GAD1: variants seen among roughly 807,000 people sequenced by gnomAD.
GAD1 encodes 67 kDa glutamic acid decarboxylase.
GAD1 carries 35 observed loss-of-function variants against 75.2 expected under a neutral mutation model. The ratio of observed to expected loss-of-function variants is 0.47; its 90% CI spans 0.36 to 0.62. The LOEUF is 0.62. Among genes scored for constraint, GAD1 ranks in the 20% least tolerant of loss-of-function variants. GAD1 has a pLI of 0.00. For synonymous variants in GAD1, 257 were observed against 271.9 expected (o/e 0.95, Z 0.54); for missense variants, 490 against 758.5 (o/e 0.65, Z 4.16).
chr2:170,820,140 C>T (rs1319608352), intron 2 of GAD1, among the ~76,000 whole-genome samples: 1 of 152,174 alleles, frequency 6.6e-6, no homozygotes, highest in East Asian at 1.9e-4. Flanking sequence ...CTGACGCTTT[C>T]CACATTTCCC....
intron 2 of GAD1, among the ~76,000 whole-genome samples, chr2:170,819,796 C>T (rs984213264): frequency 1.3e-5 from 2 of 152,136 alleles, no homozygotes; most frequent in Non-Finnish European, 1.5e-5. Context: ...CTTATTGATG[C>T]GCTTTTATGG....
At chr2:170,857,267 T>G in intron 15 of GAD1, 142 bp downstream of exon 15, 7 of 638,804 alleles carry the variant, frequency 1.1e-5, no homozygotes, top group Non-Finnish European at 1.4e-5. Flanking sequence ...ACACTCTTAA[T>G]TCCTCTCTTT....
chr2:170,825,624 C>T (rs62168454), intron 3 of GAD1, among the ~76,000 whole-genome samples: 30,473 of 152,184 alleles, frequency 0.2, 3,700 homozygotes, highest in South Asian at 0.34. Context: ...TACACATACA[C>T]ACTCTCTCAC....
chr2:170,840,638 AGGAAAGGAGGGAGGTAG>A (rs1481346081), intron 6 of GAD1, among the ~76,000 whole-genome samples: 1 of 88,984 alleles, frequency 1.1e-5, no homozygotes, highest in African/African-American at 4.0e-5. Flanking sequence ...GGAGGAAGGG[AGGAAAGGAGGGAGGTAG>A]GGAAGGGAGG....
intron 2 of GAD1, among the ~76,000 whole-genome samples, chr2:170,819,687 TCCC>T (rs1701812282): frequency 6.6e-6 from 1 of 151,394 alleles, no homozygotes; most frequent in Non-Finnish European, 1.5e-5. Flanking sequence ...GTGTTCCCAC[TCCC>T]CCATTTATTT....
chr2:170,815,981 G>T (rs1002976772), upstream of GAD1: 1 of 152,246 alleles, frequency 6.6e-6, no homozygotes, highest in Non-Finnish European at 1.5e-5. Flanking sequence ...TTTTAACTAC[G>T]CCTAAATATT....
At chr2:170,841,480 G>A (rs1052638141) in intron 6 of GAD1, among the ~76,000 whole-genome samples, 28 of 152,114 alleles carry the variant, frequency 1.8e-4, no homozygotes, top group Admixed American at 9.8e-4. Context: ...CGGGAGGATC[G>A]CTTGAGGCCA....
At chr2:170,816,868 G>A (rs576236119), upstream of GAD1, 530 of 158,256 alleles carry the variant, frequency 3.3e-3, 5 homozygotes, top group African/African-American at 0.012. Context: ...GAGCCGTGCA[G>A]CCGCCTCTCC....
chr2:170,847,582 A>T, intron 10 of GAD1, 94 bp from the exon 11 acceptor site: 1 of 897,106 alleles, frequency 1.1e-6, no homozygotes. Context: ...ATTTACTGTT[A>T]GAAATAAATG....
chr2:170,848,907 A>G (rs1235902340), intron 11 of GAD1: 2 of 441,992 alleles, frequency 4.5e-6, no homozygotes, highest in African/African-American at 4.0e-5. Flanking sequence ...CTCTGGGAAG[A>G]ACCAGACAGC....
chr2:170,845,987 C>T (rs1702623024), intron 9 of GAD1, 22 bp from the exon 10 acceptor site: 1 of 1,608,450 alleles, frequency 6.2e-7, no homozygotes, highest in East Asian at 2.2e-5. Flanking sequence ...TTTTAATTTC[C>T]CTCCTTTTCC....
chr2:170,830,890 G>A, intron 4 of GAD1, 60 bp from the exon 5 acceptor site: 1 of 1,610,384 alleles, frequency 6.2e-7, no homozygotes, highest in Non-Finnish European at 8.5e-7. Context: ...AGGGGTCTCT[G>A]GGCTGAAGAA....
Position 170,852,783 on chromosome 2 carries a change from C to G in GAD1, c.1254C>G (p.Val418=). 2 of 1,614,034 alleles carry G rather than the reference C, an allele frequency of 1.2e-6. No individual in the cohort carries two copies. The highest frequency in any genetic ancestry group is 1.7e-6 in the Non-Finnish European group (2 of 1,179,916). The change falls in exon 13 of 17, where the codon GTC becomes GTG. Residue 418 remains valine, a synonymous_variant. Coordinates refer to ENST00000358196, the MANE Select transcript of GAD1 (RefSeq NM_000817.3). ...GVLLQCSAIL[V]KEKGILQGCN... is the part of the protein sequence containing the mutation. ...TGTTGCAGTGCTCTGCCATTCTCGT[C>G]AAGGAAAAGGTCTGTACTCCCTCCA...
At chr2:170,849,766 A>G (rs908614234) in intron 12 of GAD1, among the ~76,000 whole-genome samples, 2 of 152,246 alleles carry the variant, frequency 1.3e-5, no homozygotes, top group African/African-American at 4.8e-5. Context: ...GTAACAGGAG[A>G]CAATTGCAGG....
chr2:170,859,944 CCTCTATATGTTGCTG>C lies in GAD1; in HGVS notation c.*63_*77del. 6.8e-7 allele frequency: 1 copy of C among 1,477,650 alleles called. No individual in the cohort carries two copies. Among genetic ancestry groups the C allele is most frequent in the Non-Finnish European group, 9.4e-7 (1 of 1,064,200 alleles). The allele number at this position is 1,477,650 out of a possible 1,614,324, so 91.5% of individuals were successfully genotyped here. On this transcript the variant is annotated 3_prime_UTR_variant, in exon 17 of 17. Transcript: ENST00000358196. ...TTTCCCTCTGGCACTCCAGAACAAACCTCTATATGTTGCTGAAACACACAGGCCATTTCATTGAGG... is the reference window on the plus strand; with the variant it reads ...TTTCCCTCTGGCACTCCAGAACAAACAAACACACAGGCCATTTCATTGAGG...
intron 12 of GAD1, chr2:170,852,425 A>G (rs974120849): frequency 1.6e-5 from 7 of 443,228 alleles, no homozygotes; most frequent in Middle Eastern, 6.5e-4. Flanking sequence ...TGAATTCTTA[A>G]CCATACCATA....
At chr2:170,855,742 G>A (rs934390915) in intron 14 of GAD1, among the ~76,000 whole-genome samples, 5 of 151,490 alleles carry the variant, frequency 3.3e-5, no homozygotes, top group South Asian at 4.2e-4. Flanking sequence ...GTGTGATGAC[G>A]CATGCCTGTG....
At chr2:170,859,490 A>C (rs1337076746) in intron 16 of GAD1, among the ~76,000 whole-genome samples, 1 of 152,144 alleles carries the variant, frequency 6.6e-6, no homozygotes, top group Admixed American at 6.5e-5. Context: ...TCATTGTTCC[A>C]TGACTGACTT....
intron 15 of GAD1, among the ~76,000 whole-genome samples, 165 bp downstream of exon 15, chr2:170,857,290 G>C (rs1702873088): frequency 6.6e-6 from 1 of 152,002 alleles, no homozygotes; most frequent in South Asian, 2.1e-4. Context: ...TTCCTTCCAT[G>C]TCTATGAACT....
Sources: allele counts gnomAD v4.1 joint callset (sites outside exome capture counted in the v4.1 genomes callset), GRCh38; gene constraint gnomAD v4.1.1; transcripts MANE v1.5; gene names NCBI Gene and HGNC (gene_info 2026-07-23, HGNC 2026-07-21).